A1BG: variants seen among roughly 807,000 people sequenced by gnomAD.
The protein encoded by A1BG is alpha-1-B glycoprotein.
A neutral mutation model predicts 46.0 loss-of-function variants in A1BG; 44 were observed. The ratio of observed to expected loss-of-function variants is 0.96; its 90% confidence interval spans 0.75 to 1.23. The LOEUF (loss-of-function observed/expected upper bound fraction) is 1.23, where lower values mean the gene tolerates loss of function less well. Ranked by LOEUF, A1BG falls within the 50% of genes most tolerant of loss-of-function variation. The pLI, the probability that A1BG is intolerant of heterozygous loss-of-function variation, is 0.00. For synonymous variants in A1BG, 316 were observed against 314.7 expected (o/e 1.00, Z -0.04); for missense variants, 707 against 688.8 (o/e 1.03, Z -0.30).
intron 6 of A1BG, among the ~76,000 whole-genome samples, chr19:58,348,136 G>T (rs2051929729): frequency 6.6e-6 from 1 of 152,204 alleles, no homozygotes; most frequent in African/African-American, 2.4e-5. Context: ...CGGATTGCCT[G>T]AGCTCAGGAG....
At chr19:58,351,079 A>G (rs538529418) in intron 5 of A1BG, 7 of 501,172 alleles carry the variant, frequency 1.4e-5, no homozygotes, top group South Asian at 1.0e-4. Flanking sequence ...GTCCAAGGCA[A>G]GCGAGCGGAG....
chr19:58,347,936 T>C (rs1036180660), intron 6 of A1BG: 1 of 275,458 alleles, frequency 3.6e-6, no homozygotes, highest in Non-Finnish European at 6.8e-6. Flanking sequence ...TCGGTCACTC[T>C]GACGGGTGAA....
rs759201192 is a variant in A1BG at position 58,351,540 on chromosome 19, CT to C, written c.760del (p.Arg254GlyfsTer13). ...GATGCGATCTGGGCTGGTGCTGCTC[CT>C]GGGTACCAGCAGCTCTTTCTCCCCG... ...RRGEKELLVP[R>X]SSTSPDRIFF... On this transcript the variant is annotated frameshift_variant, in exon 5 of 8. Coordinates refer to ENST00000263100, the MANE Select transcript of A1BG (RefSeq NM_130786.4). LOFTEE classifies it high-confidence loss of function. 1.2e-4 allele frequency: 189 copies of C among 1,613,860 alleles called. No individual in the cohort carries two copies. Among genetic ancestry groups the C allele is most frequent in the Non-Finnish European group, 2.7e-5 (32 of 1,180,042 alleles).
rs139979497 is a variant in A1BG, at chr19:58,346,035, C to G, written c.*987G>C. Reference sequence around the variant, plus strand: ...GAACACAGAGGAATCCAGCCATTTCCACAGCGTCCAGCTCTGCTGTGGGAG... The same window carrying G: ...GAACACAGAGGAATCCAGCCATTTCGACAGCGTCCAGCTCTGCTGTGGGAG... On this transcript the variant is annotated 3_prime_UTR_variant, in exon 8 of 8. Transcript: ENST00000263100. The G allele has an allele frequency of 2.0e-5, 3 of 152,400 alleles. No homozygotes were observed. Among genetic ancestry groups the G allele is most frequent in the Non-Finnish European group, 4.4e-5 (3 of 68,070 alleles). The allele number at this position is 152,400 out of a possible 1,614,324, so 9.4% of individuals were successfully genotyped here.
At position 58,346,712 on chromosome 19, in the gene A1BG, C is replaced by A; in HGVS notation, c.*310G>T. 1 of 455,666 alleles carries A rather than the reference C, an allele frequency of 2.2e-6. No homozygotes were observed. Among genetic ancestry groups the A allele is most frequent in the Non-Finnish European group, 4.0e-6 (1 of 248,984 alleles). The allele number at this position is 455,666 out of a possible 1,614,324, so 28.2% of individuals were successfully genotyped here. On this transcript the variant is annotated 3_prime_UTR_variant, in exon 8 of 8. Transcript: ENST00000263100. The stretch of plus-strand genomic sequence containing the variant: ...CCAGCCTGGGTGACAGTGTGAGACC[C>A]TGTCTCAAAAAAGAAAAAAGAAAAG...
rs754626551 is a variant in A1BG, at chr19:58,352,971, T to G, written c.297A>C (p.Thr99=). The stretch of plus-strand genomic sequence containing the variant: ...GGAGCTTGCTCAGCTGGGTCCATCC[T>G]GTGGACAAGCCCGAGCGGCAGCGGT... ...GRYRCRSGLS[T]GWTQLSKLLE... The change falls in exon 3 of 8, where the codon ACA becomes ACC. Residue 99 remains threonine, a synonymous_variant. Transcript: ENST00000263100. 48 of 1,613,962 alleles carry G rather than the reference T, an allele frequency of 3.0e-5. No homozygotes were observed. In the South Asian group the frequency reaches 4.9e-4, roughly 17 times the overall value.
chr19:58,347,203 C>T (rs1254409936), intron 7 of A1BG, 150 bp downstream of exon 7: 1 of 1,367,480 alleles, frequency 7.3e-7, no homozygotes, highest in Non-Finnish European at 1.0e-6. Context: ...GGCGGTTCCT[C>T]GCCCGCAATT....
rs376324865 is a variant in A1BG, at chr19:58,351,645, G to C, written c.656C>G (p.Ser219Cys). The change falls in exon 5 of 8, where the codon TCC (serine) becomes TGC (cysteine). Residue 219 changes from serine to cysteine, a missense_variant. By Grantham distance (112) the Ser-to-Cys change is moderately radical (BLOSUM62 -1). Transcript: ENST00000263100. ...CTTGTTGCCAGGGTGCAGGACCTGG[G>C]AGGACTCTCCATGGTGCATCAGCAC... is the stretch of plus-strand genomic sequence containing the variant. ...PPVLMHHGES[S>C]QVLHPGNKVT... 12 of 1,610,794 alleles carry C rather than the reference G, an allele frequency of 7.4e-6. No individual in the cohort carries two copies. The highest frequency in any genetic ancestry group is 1.0e-5 in the Non-Finnish European group (12 of 1,178,924).
rs572496302 is a variant in A1BG, at chr19:58,353,169, T to C, written c.99A>G (p.Ala33=). The C allele has an allele frequency of 1.4e-5, 23 of 1,614,102 alleles. 1 individual carries two copies. In the South Asian group the frequency reaches 2.0e-4, roughly 14 times the overall value. The change falls in exon 3 of 8, where the codon GCA becomes GCG. Residue 33 remains alanine, a synonymous_variant. Coordinates refer to ENST00000263100, the MANE Select transcript of A1BG (RefSeq NM_130786.4). ...IFYETQPSLW[A]ESESLLKPLA... is the part of the protein sequence containing the mutation. Reference sequence around the variant, plus strand: ...AGGGTTTCAGCAGTGATTCGGACTCTGCCCACAGGCTGGGCTGCGTCTCAT... The same window carrying C: ...AGGGTTTCAGCAGTGATTCGGACTCCGCCCACAGGCTGGGCTGCGTCTCAT...
At position 58,353,469 on chromosome 19, in the gene A1BG, T is replaced by C; in HGVS notation, c.-32A>G. On this transcript the variant is annotated 5_prime_UTR_variant, in exon 1 of 8. Transcript: ENST00000263100. ...CGCGCTCACTCCGGTGCAGTGAGTG[T>C]CTGGGGTGAGCGTCTGCAGCAATGA... 6.3e-7 allele frequency: 1 copy of C among 1,594,156 alleles called. No individual in the cohort carries two copies. Among genetic ancestry groups the C allele is most frequent in the Non-Finnish European group, 8.5e-7 (1 of 1,170,112 alleles).
rs2148001330 is a variant in A1BG at position 58,352,437 on chromosome 19, C to T, written c.459G>A (p.Glu153=). The part of the protein sequence containing the change: ...LRGVTFLLRR[E]GDHEFLEVPE... ...GCACCTCCAGAAACTCATGGTCGCC[C>T]TCCCGCCTCAGCAGAAAAGTCACAC... is the stretch of plus-strand genomic sequence containing the variant. The change falls in exon 4 of 8, where the codon GAG becomes GAA. Residue 153 remains glutamate, a synonymous_variant. Transcript: ENST00000263100. 1 of 1,613,778 alleles carries T rather than the reference C, an allele frequency of 6.2e-7. No individual in the cohort carries two copies. The highest frequency in any genetic ancestry group is 1.3e-5 in the African/African-American group (1 of 75,000).
chr19:58,352,578 G>A, intron 3 of A1BG, 23 bp from the exon 4 acceptor site: 1 of 1,599,840 alleles, frequency 6.3e-7, no homozygotes, highest in South Asian at 1.1e-5. Flanking sequence ...TGGAGTTGAA[G>A]AGTGCTTCTG....
Position 58,350,357 on chromosome 19 carries a change from C to G in A1BG, c.1192+13G>C. On this transcript the variant is annotated intron_variant, in intron 6 of 7. Coordinates refer to ENST00000263100, the MANE Select transcript of A1BG (RefSeq NM_130786.4). ...AACCCGCGCCCGCCCTCGCTGGTGC[C>G]CCGCCAGCTCACCGTCCACGTGCAG... is the stretch of plus-strand genomic sequence containing the variant. 2.0e-6 allele frequency: 3 copies of G among 1,530,468 alleles called. No individual in the cohort carries two copies. The highest frequency in any genetic ancestry group is 2.6e-6 in the Non-Finnish European group (3 of 1,134,138). The allele number at this position is 1,530,468 out of a possible 1,614,324, so 94.8% of individuals were successfully genotyped here.
intron 4 of A1BG, 68 bp from the exon 5 acceptor site, chr19:58,351,755 T>C: frequency 6.9e-7 from 1 of 1,456,048 alleles, no homozygotes; most frequent in South Asian, 1.3e-5. Flanking sequence ...TCCCCAGACC[T>C]CTGCCCTCCG....
At chr19:58,350,875 A>C (rs1025201415) in intron 5 of A1BG, 1 of 460,728 alleles carries the variant, frequency 2.2e-6, no homozygotes, top group Admixed American at 3.9e-5. Context: ...GTCTACAGAC[A>C]CAGACGGGAA....
intron 4 of A1BG, chr19:58,351,934 TACA>T (rs1445602877): frequency 1.4e-6 from 1 of 713,072 alleles, no homozygotes; most frequent in African/African-American, 1.8e-5. Flanking sequence ...TAGCTGGTAC[TACA>T]GGCACCTGCC....
Position 58,347,434 on chromosome 19 carries a change from T to C in A1BG, c.1399A>G (p.Asn467Asp). The change falls in exon 7 of 8, where the codon AAC (asparagine) becomes GAC (aspartate). Residue 467 changes from asparagine (N) to aspartate (D), a missense_variant. Coordinates refer to ENST00000263100, the MANE Select transcript of A1BG (RefSeq NM_130786.4). ...CAGGAGCGGTAGCGGCACCTGTAGT[T>C]GCCGGCGTGCTGGGGCCCCACGAAG... ...LIFVGPQHAGNYRCRYRSWVP... is the reference protein window; with the variant it reads ...LIFVGPQHAGDYRCRYRSWVP... 1 of 1,609,624 alleles carries C rather than the reference T, an allele frequency of 6.2e-7. No homozygotes were observed. Among genetic ancestry groups the C allele is most frequent in the Non-Finnish European group, 8.5e-7 (1 of 1,178,210 alleles).
Position 58,351,635 on chromosome 19 carries a change from C to T in A1BG, c.666G>A (p.Leu222=). 1 of 1,612,334 alleles carries T rather than the reference C, an allele frequency of 6.2e-7. No individual in the cohort carries two copies. Among genetic ancestry groups the T allele is most frequent in the Non-Finnish European group, 8.5e-7 (1 of 1,179,498 alleles). The change falls in exon 5 of 8, where the codon CTG becomes CTA. Residue 222 remains leucine (L), a synonymous_variant. Transcript: ENST00000263100. ...LMHHGESSQV[L]HPGNKVTLTC... ...TGAGGGTCACCTTGTTGCCAGGGTG[C>T]AGGACCTGGGAGGACTCTCCATGGT... is the stretch of plus-strand genomic sequence containing the variant.
intron 5 of A1BG, chr19:58,351,097 C>A: frequency 1.9e-6 from 1 of 532,082 alleles, no homozygotes; most frequent in Non-Finnish European, 3.4e-6. Context: ...GAGGAGCTGC[C>A]TCAGCAGAGG....
Sources: allele counts gnomAD v4.1 joint callset (sites outside exome capture counted in the v4.1 genomes callset), GRCh38; gene constraint gnomAD v4.1.1; transcripts MANE v1.5; gene names NCBI Gene and HGNC (gene_info 2026-07-23, HGNC 2026-07-21).